GATAD2A: variants seen among roughly 807,000 people sequenced by gnomAD.
GATAD2A encodes GATA zinc finger domain containing 2A.
Under a neutral mutation model 68.5 loss-of-function variants are expected in GATAD2A, and 12 were observed. The ratio of observed to expected loss-of-function variants is 0.18; its 90% CI spans 0.11 to 0.28. The LOEUF is 0.28. Among genes scored for constraint, GATAD2A ranks in the 10% least tolerant of loss-of-function variants. The pLI is 1.00. For synonymous variants in GATAD2A, 410 were observed against 375.3 expected (o/e 1.09, Z -1.07); for missense variants, 755 against 868.5 (o/e 0.87, Z 1.64).
rs549854858 is a variant in GATAD2A at position 19,492,566 on chromosome 19, C to G, written c.403-15C>G. The G allele has an allele frequency of 1.9e-6, 3 of 1,614,164 alleles. No individual in the cohort carries two copies. Among genetic ancestry groups the G allele is most frequent in the South Asian group, 2.2e-5 (2 of 91,082 alleles). On this transcript the variant is annotated splice_polypyrimidine_tract_variant and intron_variant, in intron 3 of 11. Coordinates refer to ENST00000683918, the MANE Select transcript of GATAD2A (RefSeq NM_001384528.1). ...AGGACGCTCCCTCTCAACCCTGTTC[C>G]TCTCGCCCCTGCAGAAAAGCAGTCC...
At position 19,427,319 on chromosome 19, in the gene GATAD2A, T is replaced by C. The variant is rs113445487; in HGVS notation, c.-7+21300T>C. 7.2e-5 allele frequency among the ~76,000 whole-genome samples: 11 copies of C among 152,274 alleles called. 1 individual carries two copies. The highest frequency in any genetic ancestry group is 2.6e-4 in the African/African-American group (11 of 41,556). Reference sequence around the variant, plus strand: ...TTTTACCACAATAAAAAAATGAACCTTTCTGAATTCAGAAATATTCTATAC... The same window carrying C: ...TTTTACCACAATAAAAAAATGAACCCTTCTGAATTCAGAAATATTCTATAC... On this transcript the variant is annotated intron_variant, in intron 1 of 11. Coordinates refer to ENST00000683918, the MANE Select transcript of GATAD2A (RefSeq NM_001384528.1).
chr19:19,398,048 C>T (rs1308437285), intron 1 of GATAD2A, among the ~76,000 whole-genome samples: 1 of 151,908 alleles, frequency 6.6e-6, no homozygotes, highest in Admixed American at 6.6e-5. Flanking sequence ...GGATTACAGG[C>T]ATGCGCCACC....
At chr19:19,496,609 G>A (rs1047781316) in intron 7 of GATAD2A, among the ~76,000 whole-genome samples, 6 of 152,298 alleles carry the variant, frequency 3.9e-5, no homozygotes, top group South Asian at 2.1e-4. Flanking sequence ...GGGGGGCACC[G>A]GAGCCCATGC....
chr19:19,500,381 A>G (rs1287311184), intron 8 of GATAD2A, among the ~76,000 whole-genome samples: 1 of 130,246 alleles, frequency 7.7e-6, no homozygotes, highest in Admixed American at 7.9e-5. Context: ...CCATCTCCCC[A>G]CCCCCCAGCC....
chr19:19,465,203 C>A (rs2057774698), intron 1 of GATAD2A, 137 bp from the exon 2 acceptor site: 2 of 695,786 alleles, frequency 2.9e-6, no homozygotes, highest in African/African-American at 1.8e-5. Context: ...CTTTTCTGGG[C>A]CCTGCGTTTG....
intron 2 of GATAD2A, among the ~76,000 whole-genome samples, chr19:19,467,031 C>T (rs1360217798): frequency 6.6e-6 from 1 of 152,144 alleles, no homozygotes; most frequent in East Asian, 1.9e-4. Flanking sequence ...TCACCATGTT[C>T]CCCTGCAGGG....
At chr19:19,484,385 A>G (rs1427812664) in intron 2 of GATAD2A, among the ~76,000 whole-genome samples, 1 of 152,078 alleles carries the variant, frequency 6.6e-6, no homozygotes, top group Non-Finnish European at 1.5e-5. Context: ...ACATTGAACT[A>G]TGATCACACC....
chr19:19,456,848 G>A (rs1399847994), intron 1 of GATAD2A, among the ~76,000 whole-genome samples: 1 of 152,162 alleles, frequency 6.6e-6, no homozygotes, highest in African/African-American at 2.4e-5. Context: ...GCCTTCTGAT[G>A]GCTGACTGGG....
chr19:19,500,416 T>A (rs952757965), intron 8 of GATAD2A, among the ~76,000 whole-genome samples: 4 of 151,714 alleles, frequency 2.6e-5, no homozygotes, highest in Non-Finnish European at 5.9e-5. Flanking sequence ...ACATTGTCTG[T>A]GATGACCAAG....
chr19:19,455,254 C>G (rs949639769), intron 1 of GATAD2A, among the ~76,000 whole-genome samples: 5 of 152,120 alleles, frequency 3.3e-5, no homozygotes, highest in African/African-American at 1.2e-4. Flanking sequence ...CTTTGGGAAG[C>G]CGAGGCAGGT....
intron 1 of GATAD2A, among the ~76,000 whole-genome samples, chr19:19,461,637 T>C (rs374385023): frequency 2.0e-5 from 3 of 152,332 alleles, no homozygotes; most frequent in East Asian, 3.9e-4. Flanking sequence ...CTGGAACCTG[T>C]CCTTTTTGGC....
At chr19:19,446,041 G>A (rs1568292991) in intron 1 of GATAD2A, among the ~76,000 whole-genome samples, 1 of 152,140 alleles carries the variant, frequency 6.6e-6, no homozygotes, top group African/African-American at 2.4e-5. Flanking sequence ...CTGGCAGACC[G>A]TTTTCCACAT....
At chr19:19,499,562 G>T (rs145508304) in intron 8 of GATAD2A, among the ~76,000 whole-genome samples, 2 of 152,268 alleles carry the variant, frequency 1.3e-5, no homozygotes, top group Non-Finnish European at 2.9e-5. Context: ...GAGGGAGGAG[G>T]GCATGGGGGC....
chr19:19,411,228 A>G (rs1222376040), intron 1 of GATAD2A, among the ~76,000 whole-genome samples: 1 of 152,144 alleles, frequency 6.6e-6, no homozygotes, highest in Non-Finnish European at 1.5e-5. Context: ...CTGGGACCCA[A>G]CCCAGCCTTT....
At chr19:19,405,582 G>A (rs1008445013), upstream of GATAD2A, among the ~76,000 whole-genome samples, 10 of 151,868 alleles carry the variant, frequency 6.6e-5, no homozygotes, top group Non-Finnish European at 1.3e-4. Flanking sequence ...GTACCGTCCG[G>A]CCCCGCCCCC....
chr19:19,420,005 CTTTTTTTTTTTTT>C (rs397859927), intron 1 of GATAD2A, among the ~76,000 whole-genome samples: 3 of 68,712 alleles, frequency 4.4e-5, no homozygotes, highest in Non-Finnish European at 7.7e-5. Flanking sequence ...ACCATCTTGA[CTTTTTTTTTTTTT>C]TTTTTTTTTT....
At chr19:19,433,608 A>G (rs1442110363) in intron 1 of GATAD2A, among the ~76,000 whole-genome samples, 1 of 152,214 alleles carries the variant, frequency 6.6e-6, no homozygotes, top group Non-Finnish European at 1.5e-5. Context: ...TTGAGATAAA[A>G]CAGTATTTTA....
rs535379259 is a variant in GATAD2A at position 19,460,978 on chromosome 19, C to T, written c.-6-4362C>T. Among the ~76,000 whole-genome samples, 7 of 152,334 alleles carry T rather than the reference C, an allele frequency of 4.6e-5. 1 individual carries two copies. Among genetic ancestry groups the T allele is most frequent in the Admixed American group, 6.5e-5 (1 of 15,306 alleles). On this transcript the variant is annotated intron_variant, in intron 1 of 11. Coordinates refer to ENST00000683918, the MANE Select transcript of GATAD2A (RefSeq NM_001384528.1). ...GTGCTCTGACTGCCCCGTGCTCTGC[C>T]TCGTGTCCCCACAGCACCGTCACCA...
At position 19,505,537 on chromosome 19, in the gene GATAD2A, G is replaced by T; in HGVS notation, c.*63G>T. 1 of 1,431,490 alleles carries T rather than the reference G, an allele frequency of 7.0e-7. No homozygotes were observed. Among genetic ancestry groups the T allele is most frequent in the South Asian group, 1.3e-5 (1 of 75,670 alleles). The allele number at this position is 1,431,490 out of a possible 1,614,324, so 88.7% of individuals were successfully genotyped here. A position where few individuals can be genotyped will look rare whatever the true frequency, so the allele number is the denominator to read the frequency against. ...CCCCACCTGGCCCCTGGTCTAGAAG[G>T]ACCCACTGCACCACCCTCCGCTGGC... is the stretch of plus-strand genomic sequence containing the variant. On this transcript the variant is annotated 3_prime_UTR_variant, in exon 12 of 12. Transcript: ENST00000683918.
Sources: gnomAD v4.1 joint callset for allele counts (sites outside exome capture counted in the v4.1 genomes callset) on GRCh38, gnomAD v4.1.1 for gene constraint, MANE v1.5 for transcripts, NCBI Gene and HGNC (gene_info 2026-07-23, HGNC 2026-07-21) for gene names.